The following ZZZ3 variants were observed in gnomAD, a reference collection of about 807,000 sequenced individuals.
ZZZ3 encodes the protein zinc finger ZZ-type containing 3.
Under a neutral mutation model 95.2 loss-of-function variants are expected in ZZZ3, and 22 were observed. The ratio of observed to expected loss-of-function variants is 0.23; its 90% CI spans 0.17 to 0.33. The LOEUF (loss-of-function observed/expected upper bound fraction) is 0.33. ZZZ3 is among the 10% of genes least tolerant of loss of function. The pLI, the probability that ZZZ3 is intolerant of heterozygous loss-of-function variation, is 1.00. For synonymous variants in ZZZ3, 335 were observed against 358.9 expected (o/e 0.93, Z 0.75); for missense variants, 885 against 1,066.5 (o/e 0.83, Z 2.37).
chr1:77,632,579 T>C lies in ZZZ3; in HGVS notation c.776A>G (p.Asp259Gly), dbSNP rs938837643. Residue 259 changes from aspartate to glycine, a missense_variant, in exon 5 of 15, where the codon GAC becomes GGC. By Grantham distance (94) the Asp-to-Gly change is moderately conservative (BLOSUM62 -1). Coordinates refer to ENST00000370801, the MANE Select transcript of ZZZ3 (RefSeq NM_015534.6). ...AGGCACCTTATGGTCTATATAACTGTCCTCCTTCCTACTATCAAGGAACAT... is the reference window on the plus strand; with the variant it reads ...AGGCACCTTATGGTCTATATAACTGCCCTCCTTCCTACTATCAAGGAACAT... ...TSMFLDSRKE[D>G]SYIDHKVPCT... 6.2e-7 allele frequency: 1 copy of C among 1,614,176 alleles called. No individual in the cohort carries two copies. Among genetic ancestry groups the C allele is most frequent in the Non-Finnish European group, 8.5e-7 (1 of 1,180,026 alleles).
chr1:77,639,065 C>CGGTA (rs4032278), intron 4 of ZZZ3, among the ~76,000 whole-genome samples: 46,729 of 150,876 alleles, frequency 0.31, 8,537 homozygotes, highest in Admixed American at 0.44. Context: ...GACAGATGGT[C>CGGTA]GGTAGGTAGG....
chr1:77,626,189 A>G (rs1570545740), intron 5 of ZZZ3, among the ~76,000 whole-genome samples: 2 of 152,182 alleles, frequency 1.3e-5, no homozygotes, highest in African/African-American at 4.8e-5. Flanking sequence ...AGCAAAAATT[A>G]CATATTTTAG....
intron 1 of ZZZ3, among the ~76,000 whole-genome samples, chr1:77,648,615 C>G (rs1368293072): frequency 2.0e-5 from 3 of 151,960 alleles, no homozygotes; most frequent in African/African-American, 7.3e-5. Flanking sequence ...GGATTAGACA[C>G]TGAAAGAAAA....
chr1:77,627,773 T>A (rs1392608372), intron 5 of ZZZ3, among the ~76,000 whole-genome samples: 1 of 152,158 alleles, frequency 6.6e-6, no homozygotes, highest in Non-Finnish European at 1.5e-5. Context: ...ATGTTAGCAA[T>A]CTGTTATCAA....
intron 1 of ZZZ3, among the ~76,000 whole-genome samples, chr1:77,673,447 A>C (rs1290648527): frequency 2.0e-5 from 3 of 152,084 alleles, no homozygotes; most frequent in Admixed American, 2.0e-4. Context: ...AAATACAAAA[A>C]TTAGCCAGGC....
At chr1:77,662,492 T>C (rs1178446118) in intron 1 of ZZZ3, among the ~76,000 whole-genome samples, 1 of 151,948 alleles carries the variant, frequency 6.6e-6, no homozygotes, top group Non-Finnish European at 1.5e-5. Context: ...ATATCACAAA[T>C]ATGGAAGGGT....
At chr1:77,661,495 A>G (rs532330462) in intron 1 of ZZZ3, among the ~76,000 whole-genome samples, 2 of 152,296 alleles carry the variant, frequency 1.3e-5, no homozygotes, top group East Asian at 3.9e-4. Flanking sequence ...AAGGGCCCTC[A>G]GAAGTTATTT....
At position 77,662,678 on chromosome 1, in the gene ZZZ3, C is replaced by A. The variant is rs201414339; in HGVS notation, c.-403+19907G>T. Among the ~76,000 whole-genome samples the A allele has an allele frequency of 2.6e-4, 39 of 152,222 alleles. No homozygotes were observed. In the East Asian group the frequency reaches 5.0e-3, roughly 20 times the overall value. On this transcript the variant is annotated intron_variant, in intron 1 of 14. Coordinates refer to ENST00000370801, the MANE Select transcript of ZZZ3 (RefSeq NM_015534.6). Reference sequence around the variant, plus strand: ...TGGTGGCTCAGGCCTGTAATCCCAGCTACTTGGGAGGCTAAAGCAGGAGGA... The same window carrying A: ...TGGTGGCTCAGGCCTGTAATCCCAGATACTTGGGAGGCTAAAGCAGGAGGA...
chr1:77,573,467 T>G (rs1047835749), intron 12 of ZZZ3, among the ~76,000 whole-genome samples: 3 of 152,172 alleles, frequency 2.0e-5, no homozygotes. Flanking sequence ...GATTACACAT[T>G]TATCTCCTCC....
At chr1:77,582,623 G>C (rs1396794353) in intron 6 of ZZZ3, among the ~76,000 whole-genome samples, 1 of 149,010 alleles carries the variant, frequency 6.7e-6, no homozygotes, top group African/African-American at 2.5e-5. Flanking sequence ...AAACCTAGTA[G>C]GAAAATTTTT....
chr1:77,666,338 T>C (rs1188280067), intron 1 of ZZZ3, among the ~76,000 whole-genome samples: 1 of 152,096 alleles, frequency 6.6e-6, no homozygotes, highest in African/African-American at 2.4e-5. Context: ...AAGACTAGCC[T>C]GTTCACCAAC....
At position 77,565,586 on chromosome 1, in the gene ZZZ3, A is replaced by G. The variant is rs1660740339; in HGVS notation, c.*54T>C. The G allele has an allele frequency of 6.4e-7, 1 of 1,566,432 alleles. No individual in the cohort carries two copies. Among genetic ancestry groups the G allele is most frequent in the East Asian group, 2.2e-5 (1 of 44,550 alleles). ...TTCCAAACTGTGCACATAATTAACA[A>G]TGATACCATTGCTATGTGTTGAAGA... On this transcript the variant is annotated 3_prime_UTR_variant, in exon 15 of 15. Transcript: ENST00000370801.
chr1:77,577,617 C>T (rs1285593670), intron 11 of ZZZ3, among the ~76,000 whole-genome samples: 2 of 152,070 alleles, frequency 1.3e-5, no homozygotes, highest in East Asian at 3.8e-4. Context: ...GATAACAGCA[C>T]TAGATATACT....
At chr1:77,599,787 T>C (rs1664559698) in intron 5 of ZZZ3, among the ~76,000 whole-genome samples, 1 of 152,086 alleles carries the variant, frequency 6.6e-6, no homozygotes, top group Non-Finnish European at 1.5e-5. Flanking sequence ...TAAATGTATA[T>C]ATATCAGAGT....
At chr1:77,677,832 A>C (rs944008106) in intron 1 of ZZZ3, among the ~76,000 whole-genome samples, 1 of 152,200 alleles carries the variant, frequency 6.6e-6, no homozygotes, top group Non-Finnish European at 1.5e-5. Flanking sequence ...AAATACATAA[A>C]AAATATACAT....
rs75408557 is a variant in ZZZ3 at position 77,653,090 on chromosome 1, G to A, written c.-402-11435C>T. ...TAGTTCCAGCTACTCAGAAGATTGA[G>A]GCAAGAGGACTGCTTGAGCCTGGGA... On this transcript the variant is annotated intron_variant, in intron 1 of 14. Transcript: ENST00000370801. 1.3e-4 allele frequency among the ~76,000 whole-genome samples: 20 copies of A among 152,282 alleles called. 1 individual carries two copies. In the East Asian group the frequency reaches 3.7e-3, roughly 28 times the overall value.
chr1:77,649,415 A>G (rs1347308275), intron 1 of ZZZ3, among the ~76,000 whole-genome samples: 2 of 152,192 alleles, frequency 1.3e-5, no homozygotes, highest in Non-Finnish European at 2.9e-5. Flanking sequence ...AAGTAAGGTG[A>G]CATAAAAATT....
rs1159728845 is a variant in ZZZ3, at chr1:77,663,514, CTCT to C, written c.-403+19068_-403+19070del. Among the ~76,000 whole-genome samples, 7 of 152,294 alleles carry C rather than the reference CTCT, an allele frequency of 4.6e-5. No individual in the cohort carries two copies. In the East Asian group the frequency reaches 1.2e-3, roughly 25 times the overall value. Reference sequence around the variant, plus strand: ...TCAAAGGTTCTCATGGGTTACCCTCCTCTTGACATATCTATCTTTTCATTTACT... The same window carrying C: ...TCAAAGGTTCTCATGGGTTACCCTCCTGACATATCTATCTTTTCATTTACT... On this transcript the variant is annotated intron_variant, in intron 1 of 14. Transcript: ENST00000370801.
chr1:77,675,830 C>T (rs1672214706), intron 1 of ZZZ3, among the ~76,000 whole-genome samples: 1 of 152,068 alleles, frequency 6.6e-6, no homozygotes, highest in Non-Finnish European at 1.5e-5. Context: ...AAAAAGGCAT[C>T]ATAGTAAACA....
Sources: allele counts gnomAD v4.1 joint callset (sites outside exome capture counted in the v4.1 genomes callset), GRCh38; gene constraint gnomAD v4.1.1; transcripts MANE v1.5; gene names NCBI Gene and HGNC (gene_info 2026-07-23, HGNC 2026-07-21).